The following MAST4 variants were observed in gnomAD, a reference collection of about 807,000 sequenced individuals.
MAST4 encodes the protein microtubule-associated serine/threonine-protein kinase 4.
Under a neutral mutation model 162.7 loss-of-function variants are expected in MAST4, and 89 were observed. The observed-to-expected ratio is 0.55, with a 90% CI of 0.46 to 0.65. MAST4 has a LOEUF of 0.65. Among genes scored for constraint, MAST4 ranks in the 30% least tolerant of loss-of-function variants. The pLI, the probability that MAST4 is intolerant of heterozygous loss-of-function variation, is 0.00. For synonymous variants in MAST4, 1,479 were observed against 1,361.1 expected, an observed-to-expected ratio of 1.09 and a Z score of -1.91; for missense variants, 3,153 against 3,374.0, an observed-to-expected ratio of 0.93 and a Z score of 1.62.
At chr5:67,066,881 C>G (rs1236524972) in intron 5 of MAST4, among the ~76,000 whole-genome samples, 3 of 152,184 alleles carry the variant, frequency 2.0e-5, no homozygotes, top group Admixed American at 1.3e-4. Flanking sequence ...CTGCAAATGA[C>G]ATTTAATAAG....
chr5:66,675,262 C>G (rs528590279), intron 1 of MAST4, among the ~76,000 whole-genome samples: 2 of 152,150 alleles, frequency 1.3e-5, no homozygotes, highest in African/African-American at 4.8e-5. Flanking sequence ...CCCTCATCCC[C>G]ACTAGGTCTC....
Position 67,166,154 on chromosome 5 carries a change from A to G in MAST4, c.6975A>G (p.Glu2325=), listed in dbSNP as rs1773921603. The G allele has an allele frequency of 1.3e-6, 2 of 1,572,438 alleles. No homozygotes were observed. Among genetic ancestry groups the G allele is most frequent in the African/African-American group, 2.7e-5 (2 of 73,896 alleles). ...ACCAGAAACTGTCCGCTGTTGGTGAAAAGCAAACCCTGTCTCCAAAGCACC... is the reference window on the plus strand; with the variant it reads ...ACCAGAAACTGTCCGCTGTTGGTGAGAAGCAAACCCTGTCTCCAAAGCACC... ...PADQKLSAVG[E]KQTLSPKHPK... is the part of the protein sequence containing the mutation. The change falls in exon 29 of 29, where the codon GAA becomes GAG. Residue 2325 remains glutamate, a synonymous_variant. Coordinates refer to ENST00000403625, the MANE Select transcript of MAST4 (RefSeq NM_001164664.2).
chr5:66,809,189 G>T (rs775210998), intron 3 of MAST4, among the ~76,000 whole-genome samples: 29 of 152,204 alleles, frequency 1.9e-4, no homozygotes, highest in Non-Finnish European at 2.6e-4. Flanking sequence ...TGTTCAGACA[G>T]TTGGCTTTGG....
At chr5:66,935,084 C>T (rs938404048) in intron 4 of MAST4, among the ~76,000 whole-genome samples, 3 of 152,222 alleles carry the variant, frequency 2.0e-5, no homozygotes, top group Admixed American at 6.5e-5. Flanking sequence ...CTGAGGCTTT[C>T]GTGAGAGAGT....
At chr5:67,105,535 C>T (rs1021583986) in intron 10 of MAST4, among the ~76,000 whole-genome samples, 1 of 152,180 alleles carries the variant, frequency 6.6e-6, no homozygotes, top group Non-Finnish European at 1.5e-5. Context: ...CAACTGCAGT[C>T]CACTGATGCA....
At chr5:66,901,965 A>C (rs933791274) in intron 4 of MAST4, among the ~76,000 whole-genome samples, 1 of 152,160 alleles carries the variant, frequency 6.6e-6, no homozygotes, top group African/African-American at 2.4e-5. Flanking sequence ...ATTTTATACA[A>C]ATCTAATGAA....
At chr5:67,148,324 G>T (rs1471922313) in intron 23 of MAST4, among the ~76,000 whole-genome samples, 2 of 152,124 alleles carry the variant, frequency 1.3e-5, no homozygotes, top group East Asian at 3.9e-4. Context: ...TGCTATCAAT[G>T]ATGTTTTTAA....
chr5:66,685,923 C>A (rs1406029190), intron 1 of MAST4, among the ~76,000 whole-genome samples: 1 of 152,072 alleles, frequency 6.6e-6, no homozygotes, highest in African/African-American at 2.4e-5. Context: ...TGTTCCACCT[C>A]AGATCATTAG....
intron 3 of MAST4, among the ~76,000 whole-genome samples, chr5:66,807,502 CAAA>C (rs57438295): frequency 7.7e-6 from 1 of 129,192 alleles, no homozygotes; most frequent in Non-Finnish European, 1.6e-5. Flanking sequence ...GACTCCGTCT[CAAA>C]AAAAAAAAAA....
chr5:66,953,662 C>T (rs1246473445), intron 4 of MAST4, among the ~76,000 whole-genome samples: 1 of 152,018 alleles, frequency 6.6e-6, no homozygotes, highest in Non-Finnish European at 1.5e-5. Context: ...AGTTCGAGTG[C>T]TCCTCCCTTG....
At chr5:67,124,816 A>G (rs1477504471) in intron 14 of MAST4, among the ~76,000 whole-genome samples, 2 of 152,258 alleles carry the variant, frequency 1.3e-5, no homozygotes, top group East Asian at 3.8e-4. Flanking sequence ...ATCTGAGAAT[A>G]AAGACTAAAG....
At chr5:66,922,525 C>T (rs35014957) in intron 4 of MAST4, among the ~76,000 whole-genome samples, 1,791 of 152,258 alleles carry the variant, frequency 0.012, 30 homozygotes, top group South Asian at 0.053. Flanking sequence ...GTTTAAATGT[C>T]AACCTCTTCT....
At chr5:66,950,573 G>A (rs182501646) in intron 4 of MAST4, among the ~76,000 whole-genome samples, 1 of 152,214 alleles carries the variant, frequency 6.6e-6, no homozygotes, top group East Asian at 1.9e-4. Context: ...TTCACTTAGT[G>A]TAATGTCTTC....
intron 3 of MAST4, among the ~76,000 whole-genome samples, chr5:66,798,668 G>A (rs1031635334): frequency 4.6e-5 from 7 of 152,114 alleles, no homozygotes; most frequent in Non-Finnish European, 8.8e-5. Flanking sequence ...AGTATGTCAC[G>A]GATGAATCTG....
intron 4 of MAST4, among the ~76,000 whole-genome samples, chr5:66,972,373 C>T (rs995888610): frequency 6.6e-6 from 1 of 152,186 alleles, no homozygotes; most frequent in Non-Finnish European, 1.5e-5. Context: ...GTTAATAAAA[C>T]ATTATGGAGA....
chr5:66,971,442 C>T (rs576934319), intron 4 of MAST4, among the ~76,000 whole-genome samples: 15 of 152,216 alleles, frequency 9.9e-5, no homozygotes, highest in Admixed American at 5.9e-4. Context: ...ATTCAGAGGG[C>T]TCTGGGAGCC....
intron 3 of MAST4, among the ~76,000 whole-genome samples, chr5:66,841,429 A>C (rs1160210193): frequency 6.6e-6 from 1 of 152,178 alleles, no homozygotes; most frequent in African/African-American, 2.4e-5. Flanking sequence ...TGGCTGCTCT[A>C]ACAAAATGGC....
chr5:66,687,671 T>G lies in MAST4; in HGVS notation c.364-72038T>G, dbSNP rs557774887. Among the ~76,000 whole-genome samples the G allele has an allele frequency of 9.9e-3, 1,486 of 150,062 alleles. 12 individuals carry two copies. Among genetic ancestry groups the G allele is most frequent in the Admixed American group, 0.015 (229 of 15,192 alleles). ...ATCTATCTATCTATCTATCTATCTA[T>G]CTATCTATACGCACCACATTTTCAT... On this transcript the variant is annotated intron_variant, in intron 1 of 28. Coordinates refer to ENST00000403625, the MANE Select transcript of MAST4 (RefSeq NM_001164664.2).
chr5:66,683,987 A>G (rs1157375609), intron 1 of MAST4, among the ~76,000 whole-genome samples: 1 of 152,214 alleles, frequency 6.6e-6, no homozygotes, highest in Non-Finnish European at 1.5e-5. Flanking sequence ...TAGGAATGAC[A>G]GTGTCAGATC....
Sources: allele counts gnomAD v4.1 joint callset (sites outside exome capture counted in the v4.1 genomes callset), GRCh38; gene constraint gnomAD v4.1.1; transcripts MANE v1.5; gene names NCBI Gene and HGNC (gene_info 2026-07-23, HGNC 2026-07-21).